Variants in WDR59 observed in about 807,000 individuals in gnomAD.
The protein encoded by WDR59 is GATOR2 complex protein WDR59.
WDR59 carries 100 observed loss-of-function variants against 131.2 expected under a neutral mutation model. The observed-to-expected ratio is 0.76, with a 90% CI of 0.65 to 0.90. WDR59 has a LOEUF of 0.90. Among genes scored for constraint, WDR59 ranks in the 40% least tolerant of loss-of-function variants. WDR59 has a pLI of 0.00. For missense variants in WDR59, 1,203 were observed against 1,262.2 expected (o/e 0.95, Z 0.71); for synonymous variants, 601 against 466.2 (o/e 1.29, Z -3.72).
At chr16:74,878,655 G>A (rs1400227069) in intron 25 of WDR59, among the ~76,000 whole-genome samples, 5 of 151,192 alleles carry the variant, frequency 3.3e-5, no homozygotes, top group Non-Finnish European at 5.9e-5. Context: ...CCACCCCCTC[G>A]CCAAAAAAAA....
rs959188411 is a variant in WDR59 at position 74,915,915 on chromosome 16, C to T, written c.1179G>A (p.Gln393=). 6.2e-7 allele frequency: 1 copy of T among 1,614,214 alleles called. No individual in the cohort carries two copies. The highest frequency in any genetic ancestry group is 8.5e-7 in the Non-Finnish European group (1 of 1,180,028). Residue 393 remains glutamine (Q), a synonymous_variant, in exon 13 of 26, where the codon CAG becomes CAA. Transcript: ENST00000262144. ...TTTGCACATTGATCAGGGAGAATTCCTGCTGCAAGGTCTGAGGCAGCCCCA... is the reference window on the plus strand; with the variant it reads ...TTTGCACATTGATCAGGGAGAATTCTTGCTGCAAGGTCTGAGGCAGCCCCA... ...DQLGLPQTLQ[Q]EFSLINVQIR... is the part of the protein sequence containing the mutation.
intron 8 of WDR59, among the ~76,000 whole-genome samples, chr16:74,927,103 G>A (rs575166225): frequency 3.3e-5 from 5 of 152,316 alleles, no homozygotes; most frequent in South Asian, 4.1e-4. Context: ...CATTGAGTAC[G>A]TGGGAAGAGA....
intron 5 of WDR59, 130 bp from the exon 6 acceptor site, chr16:74,948,686 G>C: frequency 2.6e-6 from 2 of 773,098 alleles, no homozygotes; most frequent in South Asian, 1.5e-5. Flanking sequence ...TCCGCTGTGA[G>C]GGCCTTAAAA....
intron 19 of WDR59, 138 bp downstream of exon 19, chr16:74,893,541 C>T (rs1337817631): frequency 1.4e-5 from 13 of 904,866 alleles, no homozygotes; most frequent in Admixed American, 6.2e-5. Flanking sequence ...GGAATTTGTC[C>T]ACAGCAACAG....
intron 1 of WDR59, among the ~76,000 whole-genome samples, chr16:74,975,593 G>A (rs547791421): frequency 6.2e-4 from 94 of 151,790 alleles, no homozygotes; most frequent in African/African-American, 2.2e-3. Flanking sequence ...GAACCTGGGA[G>A]GTGGAGGATG....
At chr16:74,882,258 C>T (rs72796702) in intron 25 of WDR59, among the ~76,000 whole-genome samples, 9,779 of 152,246 alleles carry the variant, frequency 0.064, 367 homozygotes, top group South Asian at 0.091. Context: ...CAAATTGCTC[C>T]AGGCCATCAT....
intron 11 of WDR59, 117 bp downstream of exon 11, chr16:74,917,812 A>C: frequency 2.3e-6 from 1 of 436,222 alleles, no homozygotes; most frequent in Non-Finnish European, 3.4e-6. Context: ...CACTCTCAAA[A>C]AAAAAAAAAA....
Position 74,985,044 on chromosome 16 carries a change from A to C in WDR59, c.-27T>G. 1 of 1,555,888 alleles carries C rather than the reference A, an allele frequency of 6.4e-7. No individual in the cohort carries two copies. The stretch of plus-strand genomic sequence containing the variant: ...TCCCCCGCCCGGCCGCCGCGGCCCC[A>C]GGACGGCGCCCTCCCACCCCGCCGT... On this transcript the variant is annotated 5_prime_UTR_variant, in exon 1 of 26. Coordinates refer to ENST00000262144, the MANE Select transcript of WDR59 (RefSeq NM_030581.4).
chr16:74,953,153 T>A (rs1451076403), intron 3 of WDR59, among the ~76,000 whole-genome samples: 1 of 152,096 alleles, frequency 6.6e-6, no homozygotes, highest in Non-Finnish European at 1.5e-5. Flanking sequence ...TGACCTCAGA[T>A]TTCCCTAACT....
intron 18 of WDR59, among the ~76,000 whole-genome samples, chr16:74,898,202 T>C (rs1169446985): frequency 6.6e-6 from 1 of 152,198 alleles, no homozygotes; most frequent in Non-Finnish European, 1.5e-5. Context: ...CAGAGCATAC[T>C]GACACATGAG....
At chr16:74,964,186 C>T (rs1314293424) in intron 2 of WDR59, among the ~76,000 whole-genome samples, 1 of 152,034 alleles carries the variant, frequency 6.6e-6, no homozygotes, top group Non-Finnish European at 1.5e-5. Context: ...CAAGATCAGC[C>T]TGGCCAATAT....
chr16:74,951,909 C>G (rs2033021880), intron 3 of WDR59, among the ~76,000 whole-genome samples: 1 of 152,138 alleles, frequency 6.6e-6, no homozygotes, highest in African/African-American at 2.4e-5. Flanking sequence ...CACTCGTCTC[C>G]CCAGCTGCTG....
chr16:74,948,959 T>C (rs757577428), intron 5 of WDR59, among the ~76,000 whole-genome samples: 13 of 151,784 alleles, frequency 8.6e-5, no homozygotes, highest in Non-Finnish European at 1.6e-4. Context: ...GATCGTGCCA[T>C]TGCACTCCAG....
intron 8 of WDR59, among the ~76,000 whole-genome samples, chr16:74,937,902 T>C (rs1412875419): frequency 6.6e-6 from 1 of 152,220 alleles, no homozygotes; most frequent in African/African-American, 2.4e-5. Flanking sequence ...TCAGAGGAGA[T>C]GCTATGGCAT....
rs763444932 is a variant in WDR59 at position 74,893,958 on chromosome 16, G to C, written c.1867-146C>G. 52 of 887,408 alleles carry C rather than the reference G, an allele frequency of 5.9e-5. 1 individual carries two copies. Among genetic ancestry groups the C allele is most frequent in the Non-Finnish European group, 8.8e-5 (52 of 591,082 alleles). 55.0% of individuals were successfully genotyped at this position (887,408 alleles called of 1,614,324 possible). On this transcript the variant is annotated intron_variant, in intron 18 of 25. Transcript: ENST00000262144. ...ACAATTATGGGAATCAGCATCTGTAGGAAATAAAAGGATGAGCTCTTGTTC... is the reference window on the plus strand; with the variant it reads ...ACAATTATGGGAATCAGCATCTGTACGAAATAAAAGGATGAGCTCTTGTTC...
chr16:74,892,666 A>T, intron 19 of WDR59, 101 bp from the exon 20 acceptor site: 1 of 979,594 alleles, frequency 1.0e-6, no homozygotes, highest in Non-Finnish European at 1.5e-6. Context: ...CTCTTTGGTT[A>T]TCACTCAAAA....
At chr16:74,906,313 C>CAAAAAACAAAAAAAAAAAAAAAAAAA in intron 17 of WDR59, among the ~76,000 whole-genome samples, 1 of 32,460 alleles carries the variant, frequency 3.1e-5, no homozygotes, top group African/African-American at 1.1e-4. Context: ...GACTCCGTCT[C>CAAAAAACAAAAAAAAAAAAAAAAAAA]AAAAAAAAAA....
chr16:74,906,435 T>C (rs1251466490), intron 17 of WDR59, among the ~76,000 whole-genome samples: 1 of 151,936 alleles, frequency 6.6e-6, no homozygotes, highest in African/African-American at 2.4e-5. Flanking sequence ...GAAACATTGC[T>C]AGTGACAGGG....
rs112216044 is a variant in WDR59, at chr16:74,903,914, G to C, written c.1866+33C>G. The C allele has an allele frequency of 1.8e-3, 2,838 of 1,587,252 alleles. 56 individuals carry two copies. In the African/African-American group the frequency reaches 0.033, roughly 19 times the overall value. The stretch of plus-strand genomic sequence containing the variant: ...GAGGAACAAGAATCCAGGAGAAGGG[G>C]TAAGAATCAAAGGCTACGGCTCTGG... On this transcript the variant is annotated intron_variant, in intron 18 of 25. Coordinates refer to ENST00000262144, the MANE Select transcript of WDR59 (RefSeq NM_030581.4).
Sources: allele counts gnomAD v4.1 joint callset (sites outside exome capture counted in the v4.1 genomes callset), GRCh38; gene constraint gnomAD v4.1.1; transcripts MANE v1.5; gene names NCBI Gene and HGNC (gene_info 2026-07-23, HGNC 2026-07-21).